Variants in MAGI2 observed in about 807,000 individuals in gnomAD.
The protein encoded by MAGI2 is membrane associated guanylate kinase, WW and PDZ domain containing 2, also known as membrane-associated guanylate kinase, WW and PDZ domain-containing protein 2.
MAGI2 carries 35 observed loss-of-function variants against 133.3 expected under a neutral mutation model. The observed-to-expected ratio is 0.26, with a 90% CI of 0.20 to 0.35. The LOEUF is 0.35. Among genes scored for constraint, MAGI2 ranks in the 10% least tolerant of loss-of-function variants. The pLI, the probability that MAGI2 is intolerant of heterozygous loss-of-function variation, is 1.00. For missense variants in MAGI2, 1,636 were observed against 1,863.4 expected (o/e 0.88, Z 2.25); for synonymous variants, 729 against 710.6 (o/e 1.03, Z -0.41).
intron 1 of MAGI2, among the ~76,000 whole-genome samples, chr7:79,135,977 AAGAAAGAAAGAAAGAAAGAAAGAAAG>A (rs1562928584): frequency 0.021 from 739 of 35,722 alleles, 29 homozygotes; most frequent in Non-Finnish European, 0.057. Context: ...GAAAGAAAGA[AAGAAAGAAAGAAAGAAAGAAAGAAAG>A]AGAAAGAAAG....
intron 1 of MAGI2, among the ~76,000 whole-genome samples, chr7:79,266,377 T>A (rs1163610774): frequency 2.0e-5 from 3 of 151,998 alleles, no homozygotes; most frequent in African/African-American, 7.2e-5. Context: ...ACCCTTATTT[T>A]TCCAAACCAT....
intron 2 of MAGI2, among the ~76,000 whole-genome samples, chr7:78,738,683 A>G (rs774689952): frequency 1.3e-5 from 2 of 152,176 alleles, no homozygotes; most frequent in Non-Finnish European, 2.9e-5. Context: ...GTTCATGATG[A>G]AAAAAGGATG....
intron 6 of MAGI2, among the ~76,000 whole-genome samples, chr7:78,460,378 G>T (rs150683114): frequency 2.0e-5 from 3 of 152,142 alleles, no homozygotes; most frequent in Non-Finnish European, 4.4e-5. Context: ...TAAAAACAAG[G>T]TACTTGTTCT....
At chr7:78,668,631 C>T (rs1288416966) in intron 2 of MAGI2, among the ~76,000 whole-genome samples, 1 of 151,958 alleles carries the variant, frequency 6.6e-6, no homozygotes, top group African/African-American at 2.4e-5. Context: ...GTTTTCCCAG[C>T]ACCATTTATT....
At chr7:79,415,002 T>C (rs1585894789) in intron 1 of MAGI2, 1 of 152,138 alleles carries the variant, frequency 6.6e-6, no homozygotes, top group East Asian at 1.9e-4. Context: ...ATAGATCCAG[T>C]AAGTTTAAAT....
chr7:78,061,820 C>T (rs949056275), intron 21 of MAGI2, among the ~76,000 whole-genome samples: 1 of 152,198 alleles, frequency 6.6e-6, no homozygotes, highest in African/African-American at 2.4e-5. Context: ...CCAGCGAATA[C>T]ACTGACCAAC....
At chr7:78,633,985 C>T (rs1364485864) in intron 2 of MAGI2, among the ~76,000 whole-genome samples, 1 of 152,086 alleles carries the variant, frequency 6.6e-6, no homozygotes, top group South Asian at 2.1e-4. Context: ...AAGAAAACTA[C>T]AATTTCACAA....
intron 6 of MAGI2, among the ~76,000 whole-genome samples, chr7:78,385,462 G>C (rs1795295575): frequency 6.6e-6 from 1 of 152,150 alleles, no homozygotes; most frequent in African/African-American, 2.4e-5. Flanking sequence ...GACATGAAAG[G>C]ATGACTATTT....
At chr7:78,885,868 C>T (rs939852456) in intron 2 of MAGI2, among the ~76,000 whole-genome samples, 1 of 152,114 alleles carries the variant, frequency 6.6e-6, no homozygotes, top group African/African-American at 2.4e-5. Flanking sequence ...GCACATAAAA[C>T]CTTTACCAAA....
intron 2 of MAGI2, among the ~76,000 whole-genome samples, chr7:78,629,549 A>G (rs1299225849): frequency 6.6e-6 from 1 of 152,118 alleles, no homozygotes; most frequent in Non-Finnish European, 1.5e-5. Context: ...GTTCACCTTC[A>G]TGATTACCCC....
intron 1 of MAGI2, among the ~76,000 whole-genome samples, chr7:79,134,712 T>G (rs2129545598): frequency 6.6e-6 from 1 of 152,344 alleles, no homozygotes; most frequent in East Asian, 1.9e-4. Flanking sequence ...ATCATCAATA[T>G]TAAGATTTAA....
At chr7:78,928,198 G>T (rs56078115) in intron 2 of MAGI2, among the ~76,000 whole-genome samples, 4,080 of 151,856 alleles carry the variant, frequency 0.027, 161 homozygotes, top group African/African-American at 0.087. Flanking sequence ...TCATAAAAGT[G>T]CCTGAAATTG....
intron 21 of MAGI2, among the ~76,000 whole-genome samples, chr7:78,023,203 G>T (rs1477519196): frequency 2.0e-5 from 3 of 152,192 alleles, no homozygotes; most frequent in African/African-American, 7.2e-5. Flanking sequence ...CCTCAGCAAG[G>T]TGACACAGAT....
chr7:79,169,813 G>A (rs1283666484), intron 1 of MAGI2, among the ~76,000 whole-genome samples: 2 of 151,950 alleles, frequency 1.3e-5, no homozygotes, highest in Non-Finnish European at 2.9e-5. Context: ...TCCTGTAGCT[G>A]TTCAATTTAA....
intron 10 of MAGI2, chr7:78,255,529 T>C: frequency 2.9e-6 from 1 of 339,872 alleles, no homozygotes; most frequent in Non-Finnish European, 5.4e-6. Context: ...TTCCACCTGC[T>C]AGCCTGGAAA....
intron 1 of MAGI2, among the ~76,000 whole-genome samples, chr7:79,053,330 G>C (rs1255915155): frequency 1.3e-5 from 2 of 151,486 alleles, no homozygotes; most frequent in East Asian, 1.9e-4. Flanking sequence ...ATAATGTTAA[G>C]ACTTACATAA....
chr7:78,559,636 C>T (rs888466514), intron 3 of MAGI2, among the ~76,000 whole-genome samples: 1 of 152,184 alleles, frequency 6.6e-6, no homozygotes, highest in Middle Eastern at 3.4e-3. Flanking sequence ...AGAAAAAATA[C>T]CCGAGAATCA....
rs1563380686 is a variant in MAGI2 at position 78,704,777 on chromosome 7, T to TCTTTTTTTTTTTTTC, written c.419-77539_419-77538insGAAAAAAAAAAAAAG. Among the ~76,000 whole-genome samples the TCTTTTTTTTTTTTTC allele has an allele frequency of 1.3e-4, 15 of 117,962 alleles. 1 individual carries two copies. The highest frequency in any genetic ancestry group is 5.1e-4 in the African/African-American group (14 of 27,406). The allele number at this position is 117,962 out of a possible 152,430, so 77.4% of individuals were successfully genotyped here. On this transcript the variant is annotated intron_variant, in intron 2 of 21. Coordinates refer to ENST00000354212, the MANE Select transcript of MAGI2 (RefSeq NM_012301.4). ...CATGGAAGGAGCAGGAGGCCATTAT[T>TCTTTTTTTTTTTTTC]CTTTTTTTTTTTTTTTTTTCTGAAA... is the stretch of plus-strand genomic sequence containing the variant.
At chr7:78,963,273 C>G (rs1803014961) in intron 2 of MAGI2, among the ~76,000 whole-genome samples, 1 of 152,074 alleles carries the variant, frequency 6.6e-6, no homozygotes, top group Admixed American at 6.6e-5. Context: ...GAAAAGTTTA[C>G]AGACCTTGAT....
Sources: allele counts gnomAD v4.1 joint callset (sites outside exome capture counted in the v4.1 genomes callset), GRCh38; gene constraint gnomAD v4.1.1; transcripts MANE v1.5; gene names NCBI Gene and HGNC (gene_info 2026-07-23, HGNC 2026-07-21).